Variants in ACTR3C observed in about 807,000 individuals in gnomAD.
ACTR3C encodes the protein actin-related protein 3C.
A neutral mutation model predicts 26.3 loss-of-function variants in ACTR3C; 18 were observed. The observed-to-expected ratio is 0.68, with a 90% CI of 0.47 to 1.01. The LOEUF is 1.01. Ranked by LOEUF, ACTR3C falls within the 50% of genes least tolerant of loss-of-function variation. The pLI is 0.00. For synonymous variants in ACTR3C, 55 were observed against 94.5 expected (o/e 0.58, Z 2.42); for missense variants, 184 against 250.7 (o/e 0.73, Z 1.80).
At chr7:150,158,597 G>T in the ACTR3C span, among the ~76,000 whole-genome samples, 1 of 152,216 alleles carries the variant, frequency 6.6e-6, no homozygotes, top group African/African-American at 2.4e-5. Context: ...AACACTGCAT[G>T]ATCTTACTTG....
At chr7:150,234,932 A>G in the ACTR3C span, among the ~76,000 whole-genome samples, 3 of 152,220 alleles carry the variant, frequency 2.0e-5, no homozygotes, top group African/African-American at 7.2e-5. Flanking sequence ...GCAAGAGAAA[A>G]ATAGTGTCTT....
At chr7:150,037,106 A>AG in the ACTR3C span, among the ~76,000 whole-genome samples, 2 of 57,018 alleles carry the variant, frequency 3.5e-5, no homozygotes, top group African/African-American at 1.2e-4. Flanking sequence ...CCTAAGAGCC[A>AG]GGGGGGGAAG....
the ACTR3C span, among the ~76,000 whole-genome samples, chr7:149,905,724 A>C: frequency 2.7e-4 from 41 of 151,968 alleles, no homozygotes; most frequent in East Asian, 7.6e-3. Context: ...GAGAAATAGA[A>C]ATTTTTTGAA....
intron 1 of ACTR3C, among the ~76,000 whole-genome samples, chr7:150,312,177 T>G (rs1249083928): frequency 6.6e-6 from 1 of 152,236 alleles, no homozygotes; most frequent in Non-Finnish European, 1.5e-5. Context: ...CCAGTATTTT[T>G]CTTTCTCCTC....
the ACTR3C span, among the ~76,000 whole-genome samples, chr7:149,925,914 T>C: frequency 7.3e-4 from 111 of 151,968 alleles, no homozygotes; most frequent in Middle Eastern, 3.4e-3. Context: ...AATACAAAAA[T>C]TAGCCCGATG....
At chr7:150,264,692 A>G (rs543782276) in intron 6 of ACTR3C, 17,671 of 966,002 alleles carry the variant, frequency 0.018, 92 homozygotes, top group Non-Finnish European at 0.02. Context: ...GGTGGTGGAT[A>G]AGACAGCAAC....
chr7:149,991,518 C>A, the ACTR3C span, among the ~76,000 whole-genome samples: 3 of 152,176 alleles, frequency 2.0e-5, no homozygotes, highest in African/African-American at 7.2e-5. Context: ...GAATCCCAGG[C>A]TAGTTGTGCC....
the ACTR3C span, among the ~76,000 whole-genome samples, chr7:150,176,105 CA>C: frequency 4.0e-5 from 6 of 150,710 alleles, no homozygotes; most frequent in African/African-American, 1.5e-4. Context: ...AACAAAAATA[CA>C]TGGCAAAAAA....
At chr7:150,148,732 T>C in the ACTR3C span, among the ~76,000 whole-genome samples, 2 of 152,182 alleles carry the variant, frequency 1.3e-5, no homozygotes, top group African/African-American at 4.8e-5. Context: ...TAGCTGTAGC[T>C]TTTCCCTGCC....
the ACTR3C span, among the ~76,000 whole-genome samples, chr7:149,984,497 C>G: frequency 6.6e-6 from 1 of 151,430 alleles, no homozygotes; most frequent in African/African-American, 2.4e-5. Flanking sequence ...AGCCACCATG[C>G]CTGGCCACGT....
At chr7:149,995,483 T>C in the ACTR3C span, among the ~76,000 whole-genome samples, 1 of 152,260 alleles carries the variant, frequency 6.6e-6, no homozygotes, top group Non-Finnish European at 1.5e-5. Context: ...TCTAGCTGGA[T>C]ACTCGCACAG....
At chr7:150,057,611 A>G in the ACTR3C span, among the ~76,000 whole-genome samples, 19 of 152,150 alleles carry the variant, frequency 1.2e-4, no homozygotes, top group Non-Finnish European at 2.6e-4. Context: ...TCTACTGATT[A>G]TATCTACATT....
chr7:150,310,296 A>C (rs1428983887), intron 1 of ACTR3C, among the ~76,000 whole-genome samples: 1 of 151,970 alleles, frequency 6.6e-6, no homozygotes, highest in East Asian at 1.9e-4. Context: ...ACCCCTTACC[A>C]TTCCATTAAA....
At chr7:150,089,616 T>G in the ACTR3C span, among the ~76,000 whole-genome samples, 200 of 152,342 alleles carry the variant, frequency 1.3e-3, no homozygotes, top group Non-Finnish European at 7.2e-4. Flanking sequence ...AAGGTTATCC[T>G]GCACTCAACA....
At chr7:150,093,088 T>A in the ACTR3C span, among the ~76,000 whole-genome samples, 3 of 151,470 alleles carry the variant, frequency 2.0e-5, no homozygotes, top group African/African-American at 7.4e-5. Flanking sequence ...CTCTAAGTAC[T>A]TGCGGCCTCA....
At chr7:150,176,663 A>G in the ACTR3C span, among the ~76,000 whole-genome samples, 2 of 150,898 alleles carry the variant, frequency 1.3e-5, no homozygotes, top group South Asian at 4.1e-4. Flanking sequence ...CAACAGAAAG[A>G]GCAAGTTTTA....
chr7:150,007,585 C>T, the ACTR3C span, among the ~76,000 whole-genome samples: 2 of 152,218 alleles, frequency 1.3e-5, no homozygotes, highest in Non-Finnish European at 2.9e-5. Context: ...CCTCAGATAA[C>T]CACATTCTGA....
chr7:150,145,855 TAAATA>T, the ACTR3C span, among the ~76,000 whole-genome samples: 2 of 135,768 alleles, frequency 1.5e-5, no homozygotes, highest in Non-Finnish European at 3.1e-5. Flanking sequence ...TAATTCATCA[TAAATA>T]AATATACTAA....
At chr7:150,015,835 A>G in the ACTR3C span, among the ~76,000 whole-genome samples, 2 of 152,240 alleles carry the variant, frequency 1.3e-5, no homozygotes, top group Non-Finnish European at 2.9e-5. Context: ...AAGGGTGACT[A>G]CATGTCCTCA....
Sources: gnomAD v4.1 joint callset for allele counts (sites outside exome capture counted in the v4.1 genomes callset) on GRCh38, gnomAD v4.1.1 for gene constraint, MANE v1.5 for transcripts, NCBI Gene and HGNC (gene_info 2026-07-23, HGNC 2026-07-21) for gene names.